The following MAST3 variants were observed in gnomAD, a reference collection of about 807,000 sequenced individuals.
MAST3 encodes microtubule-associated serine/threonine-protein kinase 3.
A neutral mutation model predicts 127.0 loss-of-function variants in MAST3; 43 were observed. That is an observed-to-expected ratio of 0.34 (90% CI 0.27 to 0.44). MAST3 has a LOEUF of 0.44. MAST3 is among the 20% of genes least tolerant of loss of function. MAST3 has a pLI of 1.00. For missense variants in MAST3, 1,390 were observed against 1,919.1 expected (o/e 0.72, Z 5.15); for synonymous variants, 785 against 809.2 (o/e 0.97, Z 0.51).
chr19:18,145,782 C>G lies in MAST3; in HGVS notation c.3079C>G (p.Arg1027Gly), dbSNP rs868101301. The G allele has an allele frequency of 9.4e-6, 15 of 1,590,752 alleles. No homozygotes were observed. Among genetic ancestry groups the G allele is most frequent in the African/African-American group, 2.7e-5 (2 of 73,248 alleles). Reference protein sequence around the residue: ...DGSPAQEAGLRAGDLITHING... With the variant: ...DGSPAQEAGLGAGDLITHING... ...AAGCCCCGCCCAGGAGGCGGGCCTG[C>G]GGGCTGGGGACCTCATCACCCACAT... Residue 1027 changes from arginine (R) to glycine (G), a missense_variant, in exon 25 of 28, where the codon CGG (arginine) becomes GGG (glycine). Arg to Gly is a moderately radical substitution (Grantham distance 125, BLOSUM62 -2). This residue lies in a region of MAST3 where 816 missense variants were observed against 934.1 expected (regional missense o/e 0.87). Coordinates refer to ENST00000687212, the MANE Select transcript of MAST3 (RefSeq NM_001393504.1). This position sits in a 1 kb window ranked among gnomAD's most constrained non-coding sequence, Gnocchi z 5.9.
rs766139115 is a variant in MAST3, at chr19:18,145,010, C to T, written c.2820C>T (p.Gly940=). 14 of 1,557,912 alleles carry T rather than the reference C, an allele frequency of 9.0e-6. No homozygotes were observed. The African/African-American group carries it at 1.8e-4, about 20-fold the overall frequency. The part of the protein sequence containing the change: ...ALSLIITADD[G]SGGPLMSPLS... The stretch of plus-strand genomic sequence containing the variant: ...CTCCCTAACCCCCTGCAGATGATGG[C>T]AGCGGCGGCCCCCTCATGAGCCCCC... Residue 940 remains glycine, a synonymous_variant, in exon 24 of 28, where the codon GGC becomes GGT. Transcript: ENST00000687212. The surrounding 1 kb of genome is among the most constrained non-coding windows in gnomAD (Gnocchi z 5.9).
intron 15 of MAST3, among the ~76,000 whole-genome samples, chr19:18,134,217 TA>T (rs72373389): frequency 6.7e-6 from 1 of 148,206 alleles, no homozygotes; most frequent in Non-Finnish European, 1.5e-5. Flanking sequence ...AAAAGTACAC[TA>T]AAAAAATATA....
chr19:18,105,461 G>A, intron 1 of MAST3, among the ~76,000 whole-genome samples: 1 of 151,670 alleles, frequency 6.6e-6, no homozygotes, highest in East Asian at 1.9e-4. Flanking sequence ...CATTTTGGGA[G>A]GCCAAAGTGG....
At position 18,145,006 on chromosome 19, in the gene MAST3, A is replaced by T; in HGVS notation, c.2816A>T (p.Asp939Val). 1.3e-6 allele frequency: 2 copies of T among 1,524,990 alleles called. No individual in the cohort carries two copies. The highest frequency in any genetic ancestry group is 1.8e-6 in the Non-Finnish European group (2 of 1,106,950). The allele number at this position is 1,524,990 out of a possible 1,614,324, so 94.5% of individuals were successfully genotyped here. A position where few individuals can be genotyped will look rare whatever the true frequency, so the allele number is the denominator to read the frequency against. Residue 939 changes from aspartate to valine, a missense_variant, in exon 24 of 28, where the codon GAT becomes GTT. Around this residue, in one of 5 missense-constraint regions of MAST3, gnomAD observed 816 missense variants for 934.1 expected, o/e 0.87. Coordinates refer to ENST00000687212, the MANE Select transcript of MAST3 (RefSeq NM_001393504.1). The surrounding 1 kb of genome is among the most constrained non-coding windows in gnomAD (Gnocchi z 5.9). Reference sequence around the variant, plus strand: ...CCCCCTCCCTAACCCCCTGCAGATGATGGCAGCGGCGGCCCCCTCATGAGC... The same window carrying T: ...CCCCCTCCCTAACCCCCTGCAGATGTTGGCAGCGGCGGCCCCCTCATGAGC... ...SALSLIITAD[D>V]GSGGPLMSPL...
intron 1 of MAST3, among the ~76,000 whole-genome samples, chr19:18,100,128 C>CTTTTTTT (rs58879254): frequency 8.2e-6 from 1 of 121,720 alleles, no homozygotes; most frequent in African/African-American, 2.8e-5. Context: ...CTCTCTCTCT[C>CTTTTTTT]TTTTTTTTTT....
chr19:18,131,274 G>A (rs746005795), intron 14 of MAST3, among the ~76,000 whole-genome samples: 6 of 152,148 alleles, frequency 3.9e-5, no homozygotes, highest in African/African-American at 7.2e-5. Flanking sequence ...AGCTACTCGG[G>A]AGGCTGAAGC....
chr19:18,117,484 C>T (rs1473905600), intron 3 of MAST3, among the ~76,000 whole-genome samples: 1 of 151,534 alleles, frequency 6.6e-6, no homozygotes, highest in Non-Finnish European at 1.5e-5. Context: ...TATGCCAGTC[C>T]GGTGCTGGGA....
chr19:18,136,588 A>C lies in MAST3; in HGVS notation c.1973-651A>C, dbSNP rs141116946. Among the ~76,000 whole-genome samples the C allele has an allele frequency of 8.4e-3, 1,267 of 150,830 alleles. 69 individuals are homozygous for C. The East Asian group carries it at 0.14, about 17-fold the overall frequency. On this transcript the variant is annotated intron_variant, in intron 18 of 27. Coordinates refer to ENST00000687212, the MANE Select transcript of MAST3 (RefSeq NM_001393504.1). ...GTGCCATCATGCCCGGCTAATTTTT[A>C]TACTTTTGGTAGAGACGAAATTGAG...
At chr19:18,118,870 G>A (rs756750685) in intron 3 of MAST3, among the ~76,000 whole-genome samples, 4 of 152,148 alleles carry the variant, frequency 2.6e-5, no homozygotes, top group Non-Finnish European at 5.9e-5. Context: ...TCTCATTGGT[G>A]CTGGACTGGG....
chr19:18,147,407 G>A (rs1196903362), intron 26 of MAST3, 36 bp from the exon 27 acceptor site: 4 of 1,598,638 alleles, frequency 2.5e-6, no homozygotes, highest in Non-Finnish European at 3.4e-6. Flanking sequence ...CTGGCCAGGA[G>A]CAGGGGTTCT....
intron 1 of MAST3, among the ~76,000 whole-genome samples, chr19:18,101,341 CCTCCTCCTCCTCCTCCTCCTTCTCCTT>C (rs1568542517): frequency 2.1e-5 from 3 of 143,006 alleles, no homozygotes; most frequent in African/African-American, 5.1e-5. Context: ...TTATTTTCCT[CCTCCTCCTCCTCCTCCTCCTTCTCCTT>C]CTCCTCCTCC....
At chr19:18,129,277 G>A in intron 13 of MAST3, 1 of 302,404 alleles carries the variant, frequency 3.3e-6, no homozygotes, top group Non-Finnish European at 6.3e-6. Flanking sequence ...GCTTTGAATG[G>A]CAGGCTTGCA....
At chr19:18,129,812 C>G (rs1223678466) in intron 13 of MAST3, among the ~76,000 whole-genome samples, 1 of 151,160 alleles carries the variant, frequency 6.6e-6, no homozygotes, top group Admixed American at 6.6e-5. Flanking sequence ...GTAATTCCAG[C>G]TACTTGGGAG....
At chr19:18,142,732 C>A (rs1390192920) in intron 21 of MAST3, among the ~76,000 whole-genome samples, 1 of 150,686 alleles carries the variant, frequency 6.6e-6, no homozygotes, top group Non-Finnish European at 1.5e-5. Flanking sequence ...TAGCTCACTT[C>A]AGCCTCAGAC....
intron 1 of MAST3, 106 bp downstream of exon 1, chr19:18,097,937 A>G: frequency 2.2e-6 from 2 of 893,764 alleles, no homozygotes; most frequent in Non-Finnish European, 2.9e-6. Flanking sequence ...AGGGAAACTG[A>G]GGCAGAGGGT....
chr19:18,138,259 C>T (rs1233356352), intron 19 of MAST3, among the ~76,000 whole-genome samples: 1 of 149,714 alleles, frequency 6.7e-6, no homozygotes, highest in African/African-American at 2.4e-5. Context: ...TTCTGTGTGA[C>T]CCATTTCAAG....
intron 21 of MAST3, among the ~76,000 whole-genome samples, chr19:18,143,095 G>A (rs1265910596): frequency 6.9e-6 from 1 of 144,004 alleles, no homozygotes; most frequent in Non-Finnish European, 1.5e-5. Flanking sequence ...CGGGGTGACA[G>A]AGCGAGACTC....
In MAST3 at chr19:18,130,490, C is replaced by G; in HGVS notation, c.1224-4C>G. The G allele has an allele frequency of 6.3e-7, 1 of 1,589,646 alleles. No individual in the cohort carries two copies. The highest frequency in any genetic ancestry group is 2.3e-5 in the East Asian group (1 of 43,804). Reference sequence around the variant, plus strand: ...TCCCAGCAAGCCTGGCCCTCTGTCCCCAGGGCCGTCTACCTGGTGCGGCAC... The same window carrying G: ...TCCCAGCAAGCCTGGCCCTCTGTCCGCAGGGCCGTCTACCTGGTGCGGCAC... On this transcript the variant is annotated splice_region_variant and splice_polypyrimidine_tract_variant and intron_variant, in intron 13 of 27. Coordinates refer to ENST00000687212, the MANE Select transcript of MAST3 (RefSeq NM_001393504.1).
intron 1 of MAST3, among the ~76,000 whole-genome samples, chr19:18,099,673 TCCC>T (rs2037391773): frequency 6.6e-6 from 1 of 151,996 alleles, no homozygotes; most frequent in Non-Finnish European, 1.5e-5. Flanking sequence ...AGCACAGGCG[TCCC>T]TCCACGAAGG....
Sources: gnomAD v4.1 joint callset for allele counts (sites outside exome capture counted in the v4.1 genomes callset) on GRCh38, gnomAD v4.1.1 for gene constraint, gnomAD v4.1.1 regional missense constraint, Gnocchi (gnomAD v3.1) non-coding constraint, MANE v1.5 for transcripts, NCBI Gene and HGNC (gene_info 2026-07-23, HGNC 2026-07-21) for gene names.